Variants in HECW2 observed in about 807,000 individuals in gnomAD.
HECW2 encodes the protein HECT, C2 and WW domain containing E3 ubiquitin protein ligase 2.
Under a neutral mutation model 175.2 loss-of-function variants are expected in HECW2, and 61 were observed. The ratio of observed to expected loss-of-function variants is 0.35; its 90% CI spans 0.28 to 0.43. HECW2 has a LOEUF of 0.43. Ranked by LOEUF, HECW2 falls within the 20% of genes least tolerant of loss-of-function variation. HECW2 has a pLI of 1.00. For missense variants in HECW2, 1,524 were observed against 2,000.5 expected, an observed-to-expected ratio of 0.76 and a Z score of 4.54; for synonymous variants, 671 against 731.0, an observed-to-expected ratio of 0.92 and a Z score of 1.32.
chr2:196,450,525 C>A (rs1575555106), intron 1 of HECW2, among the ~76,000 whole-genome samples: 2 of 140,534 alleles, frequency 1.4e-5, no homozygotes, highest in East Asian at 4.1e-4. Flanking sequence ...GAGTTTCTCT[C>A]TTGTTTCCCA....
At chr2:196,368,240 T>C (rs561728439) in intron 2 of HECW2, among the ~76,000 whole-genome samples, 92 of 152,298 alleles carry the variant, frequency 6.0e-4, no homozygotes, top group African/African-American at 2.2e-3. Flanking sequence ...TCTACCAAGG[T>C]GTACAAGGGT....
At chr2:196,203,031 A>G (rs1686923965) in intron 28 of HECW2, among the ~76,000 whole-genome samples, 1 of 152,146 alleles carries the variant, frequency 6.6e-6, no homozygotes, top group Non-Finnish European at 1.5e-5. Context: ...ACCCTGTCAT[A>G]TGAGGTCAGT....
intron 1 of HECW2, among the ~76,000 whole-genome samples, chr2:196,524,079 G>C (rs1263434685): frequency 1.4e-5 from 2 of 141,882 alleles, no homozygotes; most frequent in Admixed American, 7.0e-5. Flanking sequence ...ACCTCTGGTA[G>C]AATTCGGCTG....
At chr2:196,444,843 G>T (rs912584715) in intron 1 of HECW2, among the ~76,000 whole-genome samples, 3 of 152,314 alleles carry the variant, frequency 2.0e-5, no homozygotes, top group Non-Finnish European at 4.4e-5. Context: ...GGCTCTGGGG[G>T]TCAGGGAGGA....
chr2:196,396,602 C>A (rs146120916), intron 2 of HECW2, among the ~76,000 whole-genome samples: 1 of 152,300 alleles, frequency 6.6e-6, no homozygotes, highest in East Asian at 1.9e-4. Flanking sequence ...TCTATTGTTT[C>A]CCCTTTTGGA....
chr2:196,267,308 T>G (rs1400370123), intron 17 of HECW2, among the ~76,000 whole-genome samples: 1 of 152,222 alleles, frequency 6.6e-6, no homozygotes, highest in African/African-American at 2.4e-5. Context: ...ACCTATAAAA[T>G]ACTGTTAAAG....
At position 196,195,246 on chromosome 2, in the gene HECW2, C is replaced by T. The variant is rs1686648620; in HGVS notation, c.*6031G>A. 2 of 152,130 alleles carry T rather than the reference C, an allele frequency of 1.3e-5. No homozygotes were observed. The highest frequency in any genetic ancestry group is 4.1e-4 in the South Asian group (2 of 4,826). 9.4% of individuals were successfully genotyped at this position (152,130 alleles called of 1,614,324 possible). On this transcript the variant is annotated 3_prime_UTR_variant, in exon 29 of 29. Transcript: ENST00000644978. ...TTCTTTTTTATGAAGGTGATAGTAA[C>T]CAGAAGTTGACTGATGGTTCCTTAC...
intron 2 of HECW2, among the ~76,000 whole-genome samples, chr2:196,356,996 C>T (rs1693395196): frequency 1.3e-5 from 2 of 152,146 alleles, no homozygotes; most frequent in African/African-American, 4.8e-5. Context: ...AACACTACAC[C>T]TTACTGTCTG....
intron 1 of HECW2, among the ~76,000 whole-genome samples, chr2:196,514,964 C>G (rs1009256891): frequency 6.6e-6 from 1 of 152,178 alleles, no homozygotes. Context: ...CATTACAGGT[C>G]CAGAAGGAGA....
chr2:196,270,541 T>A (rs1475781328), intron 17 of HECW2, among the ~76,000 whole-genome samples: 1 of 152,236 alleles, frequency 6.6e-6, no homozygotes, highest in East Asian at 1.9e-4. Context: ...CTCAGTTCAA[T>A]AAACTGTATG....
rs1686762791 is a variant in HECW2 at position 196,198,657 on chromosome 2, C to G, written c.*2620G>C. On this transcript the variant is annotated 3_prime_UTR_variant, in exon 29 of 29. Transcript: ENST00000644978. The stretch of plus-strand genomic sequence containing the variant: ...GTGTCTTCTATAGTATAAAGAGCAT[C>G]ACTTAAAATAAGACCAGAAAGCCTA... 6.6e-6 allele frequency: 1 copy of G among 152,146 alleles called. No homozygotes were observed. Among genetic ancestry groups the G allele is most frequent in the Non-Finnish European group, 1.5e-5 (1 of 68,030 alleles). The allele number at this position is 152,146 out of a possible 1,614,324, so 9.4% of individuals were successfully genotyped here. A position where few individuals can be genotyped will look rare whatever the true frequency, so the allele number is the denominator to read the frequency against.
chr2:196,247,090 G>A (rs56205010), intron 19 of HECW2, among the ~76,000 whole-genome samples: 31,900 of 151,794 alleles, frequency 0.21, 4,005 homozygotes, highest in East Asian at 0.41. Context: ...GTGAAACCCC[G>A]TCTCTACTAA....
At chr2:196,429,744 G>T (rs936034986) in intron 2 of HECW2, among the ~76,000 whole-genome samples, 1 of 151,958 alleles carries the variant, frequency 6.6e-6, no homozygotes, top group Admixed American at 6.5e-5. Context: ...GTCCATAGCA[G>T]TTCTGCTGAG....
intron 9 of HECW2, among the ~76,000 whole-genome samples, chr2:196,318,310 G>A (rs78611228): frequency 0.024 from 3,619 of 152,180 alleles, 146 homozygotes; most frequent in African/African-American, 0.082. Flanking sequence ...AGGTCTCCCC[G>A]CTCAGAAACA....
At chr2:196,264,275 T>C (rs1689424104) in intron 17 of HECW2, 1 of 152,196 alleles carries the variant, frequency 6.6e-6, no homozygotes. Flanking sequence ...TGAGACTGGT[T>C]TCAGCACTGA....
intron 5 of HECW2, among the ~76,000 whole-genome samples, chr2:196,325,362 T>C (rs1287507475): frequency 2.0e-5 from 3 of 152,208 alleles, no homozygotes; most frequent in Non-Finnish European, 4.4e-5. Context: ...TTATTCACAC[T>C]ATGATTGCTT....
intron 1 of HECW2, among the ~76,000 whole-genome samples, chr2:196,517,449 AT>A (rs1436695454): frequency 2.0e-5 from 3 of 152,212 alleles, no homozygotes; most frequent in African/African-American, 7.2e-5. Flanking sequence ...CTATATAAAA[AT>A]TTTATTACAA....
chr2:196,246,446 C>T (rs1688646186), intron 19 of HECW2, among the ~76,000 whole-genome samples: 1 of 152,080 alleles, frequency 6.6e-6, no homozygotes, highest in African/African-American at 2.4e-5. Context: ...AGTGCAGTGG[C>T]ACGATCTCGG....
chr2:196,538,064 T>C (rs985306294), intron 1 of HECW2, among the ~76,000 whole-genome samples: 3 of 152,236 alleles, frequency 2.0e-5, no homozygotes, highest in Non-Finnish European at 4.4e-5. Flanking sequence ...ACCCCTGTCC[T>C]GTAACACTCG....
Sources: gnomAD v4.1 joint callset for allele counts (sites outside exome capture counted in the v4.1 genomes callset) on GRCh38, gnomAD v4.1.1 for gene constraint, MANE v1.5 for transcripts, NCBI Gene and HGNC (gene_info 2026-07-23, HGNC 2026-07-21) for gene names.